The following SH3BGR variants were observed in gnomAD, a reference collection of about 807,000 sequenced individuals.
SH3BGR encodes the protein SH3 domain-binding glutamic acid-rich protein.
Under a neutral mutation model 24.5 loss-of-function variants are expected in SH3BGR, and 29 were observed. The observed-to-expected ratio is 1.18, with a 90% CI of 0.88 to 1.61. SH3BGR has a LOEUF of 1.61. Among genes scored for constraint, SH3BGR ranks in the 40% most tolerant of loss-of-function variants. The probability of loss-of-function intolerance (pLI) is 0.00; values close to 1 mark genes in which losing one functional copy is unlikely to be tolerated. For missense variants in SH3BGR, 162 were observed against 205.8 expected, an observed-to-expected ratio of 0.79 and a Z score of 1.30; for synonymous variants, 55 against 65.7, an observed-to-expected ratio of 0.84 and a Z score of 0.79.
At chr21:39,450,420 C>A (rs1001497556), upstream of SH3BGR, among the ~76,000 whole-genome samples, 1 of 152,084 alleles carries the variant, frequency 6.6e-6, no homozygotes, top group Non-Finnish European at 1.5e-5. Flanking sequence ...TGGGATATTC[C>A]GGGGACTGGG....
At chr21:39,490,477 A>G (rs955678461) in intron 3 of SH3BGR, among the ~76,000 whole-genome samples, 2 of 152,130 alleles carry the variant, frequency 1.3e-5, no homozygotes, top group African/African-American at 4.8e-5. Flanking sequence ...AATCCTGTCA[A>G]TTTATTCTTC....
At position 39,483,235 on chromosome 21, in the gene SH3BGR, G is replaced by A. The variant is rs147448205; in HGVS notation, c.312+8020G>A. Among the ~76,000 whole-genome samples, 202 of 152,312 alleles carry A rather than the reference G, an allele frequency of 1.3e-3. 1 individual carries two copies. Among genetic ancestry groups the A allele is most frequent in the African/African-American group, 4.8e-3 (198 of 41,580 alleles). ...AAAATTATGTGGAAAAGTTAGAGCA[G>A]ATGAACTTATTTTCCAGTGTGCAGA... On this transcript the variant is annotated intron_variant, in intron 3 of 6. Transcript: ENST00000333634.
chr21:39,515,040 C>T (rs1367610989), intron 6 of SH3BGR, 48 bp from the exon 7 acceptor site: 1 of 455,740 alleles, frequency 2.2e-6, no homozygotes, highest in Non-Finnish European at 4.5e-6. Flanking sequence ...GGTAAACATT[C>T]TGTGTCTTTC....
At chr21:39,469,464 A>G (rs2077900147) in intron 2 of SH3BGR, among the ~76,000 whole-genome samples, 1 of 150,884 alleles carries the variant, frequency 6.6e-6, no homozygotes, top group African/African-American at 2.4e-5. Flanking sequence ...TGCCTGTATC[A>G]TTTTTTCCTT....
At chr21:39,501,923 T>C (rs563942363) in intron 4 of SH3BGR, among the ~76,000 whole-genome samples, 1 of 152,356 alleles carries the variant, frequency 6.6e-6, no homozygotes, top group South Asian at 2.1e-4. Flanking sequence ...CTATAATCCC[T>C]GTACTTTGGA....
At position 39,462,526 on chromosome 21, in the gene SH3BGR, C is replaced by T; in HGVS notation, c.197C>T (p.Pro66Leu). 6.2e-7 allele frequency: 1 copy of T among 1,601,402 alleles called. No individual in the cohort carries two copies. Among genetic ancestry groups the T allele is most frequent in the Non-Finnish European group, 8.5e-7 (1 of 1,177,186 alleles). Residue 66 changes from proline to leucine, a missense_variant, in exon 2 of 7, where the codon CCT becomes CTT. Coordinates refer to ENST00000333634, the MANE Select transcript of SH3BGR (RefSeq NM_007341.3). ...AAACCTCAAAATGGGATTCCTTTGC[C>T]TCCCCAGATCTTCAATGAGGAGCAG... ...EKKPQNGIPLPPQIFNEEQYC... is the reference protein window; with the variant it reads ...EKKPQNGIPLLPQIFNEEQYC...
chr21:39,491,068 A>G (rs1278028659), intron 3 of SH3BGR, among the ~76,000 whole-genome samples: 1 of 152,158 alleles, frequency 6.6e-6, no homozygotes, highest in Admixed American at 6.5e-5. Flanking sequence ...ATAATCTGTT[A>G]TAAATCAGAG....
At chr21:39,447,416 CTTTTTTTTT>C (rs910615975), upstream of SH3BGR, among the ~76,000 whole-genome samples, 45 of 114,710 alleles carry the variant, frequency 3.9e-4, no homozygotes, top group African/African-American at 1.5e-3. Flanking sequence ...TTCGCTTTTG[CTTTTTTTTT>C]TTTTTTTTTT....
At chr21:39,487,144 T>C (rs961027203) in intron 3 of SH3BGR, among the ~76,000 whole-genome samples, 3 of 152,000 alleles carry the variant, frequency 2.0e-5, no homozygotes, top group African/African-American at 7.3e-5. Context: ...AACAATGTTT[T>C]TTTGTTTCTG....
At chr21:39,446,152 C>G (rs763309673) in intron 1 of SH3BGR, 1 of 143,262 alleles carries the variant, frequency 7.0e-6, no homozygotes, top group African/African-American at 2.5e-5. Context: ...CTATTAACCC[C>G]TTGTCATAAA....
chr21:39,475,085 T>C (rs874221), intron 2 of SH3BGR, 50 bp from the exon 3 acceptor site: 349,983 of 1,115,488 alleles, frequency 0.31, 57,770 homozygotes, highest in African/African-American at 0.44. Context: ...GTAAATAAAC[T>C]GGCTCACAAG....
chr21:39,471,240 T>G (rs1313772599), intron 2 of SH3BGR, among the ~76,000 whole-genome samples: 1 of 152,154 alleles, frequency 6.6e-6, no homozygotes, highest in Non-Finnish European at 1.5e-5. Flanking sequence ...AATTATTGAT[T>G]GGGCTTCCTG....
At chr21:39,485,686 C>CTTT (rs71330369) in intron 3 of SH3BGR, among the ~76,000 whole-genome samples, 1 of 116,754 alleles carries the variant, frequency 8.6e-6, no homozygotes, top group Non-Finnish European at 1.8e-5. Context: ...AAGTTGTTTT[C>CTTT]TTTTTTTTTT....
At chr21:39,510,373 CACACACACACACACACACTGTAGCT>C (rs1569177979) in intron 5 of SH3BGR, among the ~76,000 whole-genome samples, 249 of 146,128 alleles carry the variant, frequency 1.7e-3, no homozygotes, top group African/African-American at 5.9e-3. Flanking sequence ...CATACACACA[CACACACACACACACACACTGTAGCT>C]ACACACACAC....
chr21:39,495,482 CTT>C (rs543877521), intron 3 of SH3BGR, among the ~76,000 whole-genome samples: 55 of 140,000 alleles, frequency 3.9e-4, no homozygotes, highest in Admixed American at 4.3e-4. Context: ...GTAAAAGTCT[CTT>C]TTTTTTTTTT....
chr21:39,456,759 C>T lies in SH3BGR; in HGVS notation c.45+4618C>T, dbSNP rs78221143. Among the ~76,000 whole-genome samples, 798 of 152,278 alleles carry T rather than the reference C, an allele frequency of 5.2e-3. 9 individuals are homozygous for T. Among genetic ancestry groups the T allele is most frequent in the African/African-American group, 0.018 (746 of 41,544 alleles). On this transcript the variant is annotated intron_variant, in intron 1 of 6. Transcript: ENST00000333634. ...TATGCCAGAAGTTTAAGAGAAATTC[C>T]ATCATTCCACACCTTTCTGTCTATC...
At chr21:39,478,398 C>G (rs2078063245) in intron 3 of SH3BGR, among the ~76,000 whole-genome samples, 1 of 152,200 alleles carries the variant, frequency 6.6e-6, no homozygotes, top group African/African-American at 2.4e-5. Flanking sequence ...TGATGCCAGT[C>G]TGTCTCCAGA....
intron 2 of SH3BGR, among the ~76,000 whole-genome samples, chr21:39,470,371 G>A (rs141312238): frequency 0.016 from 2,493 of 151,944 alleles, 25 homozygotes; most frequent in Non-Finnish European, 0.025. Flanking sequence ...CAATTCTCCT[G>A]CCTCAGCCTC....
chr21:39,452,242 T>G, intron 1 of SH3BGR, 101 bp downstream of exon 1: 1 of 1,370,992 alleles, frequency 7.3e-7, no homozygotes, highest in Non-Finnish European at 1.0e-6. Flanking sequence ...TTGCGTGTAG[T>G]CAGCTGTGGC....
Sources: gnomAD v4.1 joint callset for allele counts (sites outside exome capture counted in the v4.1 genomes callset) on GRCh38, gnomAD v4.1.1 for gene constraint, MANE v1.5 for transcripts, NCBI Gene and HGNC (gene_info 2026-07-23, HGNC 2026-07-21) for gene names.